The following CD109 variants were observed in gnomAD, a reference collection of about 807,000 sequenced individuals.
CD109 encodes CD109 antigen.
In CD109, 149 loss-of-function variants were observed where a neutral mutation model predicts 165.8. That is an observed-to-expected ratio of 0.90 (90% confidence interval 0.79 to 1.03). The LOEUF is 1.03. Among genes scored for constraint, CD109 ranks in the 50% least tolerant of loss-of-function variants. The pLI is 0.00. For missense variants in CD109, 1,712 were observed against 1,677.8 expected, an observed-to-expected ratio of 1.02 and a Z score of -0.36; for synonymous variants, 585 against 592.1, an observed-to-expected ratio of 0.99 and a Z score of 0.18.
intron 3 of CD109, among the ~76,000 whole-genome samples, chr6:73,725,577 C>T (rs548493840): frequency 2.1e-5 from 3 of 143,598 alleles, no homozygotes; most frequent in South Asian, 2.2e-4. Flanking sequence ...GGCGCGATCT[C>T]GGCTCACTGC....
chr6:73,805,645 A>G (rs1224026446), intron 24 of CD109, among the ~76,000 whole-genome samples: 1 of 152,190 alleles, frequency 6.6e-6, no homozygotes, highest in South Asian at 2.1e-4. Context: ...TCACATGGGG[A>G]GAAACCTTGG....
At chr6:73,754,971 T>G (rs1773333512) in intron 5 of CD109, among the ~76,000 whole-genome samples, 1 of 152,214 alleles carries the variant, frequency 6.6e-6, no homozygotes, top group South Asian at 2.1e-4. Flanking sequence ...ATGTTGTATT[T>G]ACTCAATTAA....
At chr6:73,734,610 C>T (rs567869218) in intron 4 of CD109, among the ~76,000 whole-genome samples, 101 of 152,326 alleles carry the variant, frequency 6.6e-4, no homozygotes, top group African/African-American at 2.3e-3. Context: ...ACCAAGGATA[C>T]AGTGACCTGC....
At position 73,818,567 on chromosome 6, in the gene CD109, A is replaced by G. The variant is rs548288924; in HGVS notation, c.4059+32A>G. ...AGTAAAACATAAGGTAACTGTTGACAAAGCCACTGTGTTTTGTATTCAGGT... is the reference window on the plus strand; with the variant it reads ...AGTAAAACATAAGGTAACTGTTGACGAAGCCACTGTGTTTTGTATTCAGGT... On this transcript the variant is annotated intron_variant, in intron 31 of 32. Transcript: ENST00000287097. 1.6e-5 allele frequency: 25 copies of G among 1,597,716 alleles called. No homozygotes were observed. The Admixed American group carries it at 1.9e-4, about 12-fold the overall frequency.
intron 17 of CD109, among the ~76,000 whole-genome samples, 161 bp from the exon 18 acceptor site, chr6:73,782,453 C>T (rs1050343534): frequency 1.3e-5 from 2 of 152,118 alleles, no homozygotes; most frequent in African/African-American, 4.8e-5. Flanking sequence ...TTCTGAAAAC[C>T]TTCTTCTACC....
At chr6:73,823,039 A>T (rs1776151958) in intron 32 of CD109, among the ~76,000 whole-genome samples, 2 of 152,332 alleles carry the variant, frequency 1.3e-5, no homozygotes, top group South Asian at 4.1e-4. Context: ...AGCCCAGGGT[A>T]AATGCCCCTT....
At chr6:73,797,664 G>A (rs1028786727) in intron 23 of CD109, among the ~76,000 whole-genome samples, 1 of 152,062 alleles carries the variant, frequency 6.6e-6, no homozygotes, top group African/African-American at 2.4e-5. Flanking sequence ...ATTTTGACAC[G>A]AGGTAAATCA....
chr6:73,695,779 C>A, upstream of CD109: 1 of 205,354 alleles, frequency 4.9e-6, no homozygotes, highest in Non-Finnish European at 9.8e-6. Flanking sequence ...CTTTTTTCCA[C>A]TTCACATAGT....
In CD109 at chr6:73,782,713, A is replaced by C; in HGVS notation, c.2063A>C (p.Lys688Thr). The C allele has an allele frequency of 1.2e-6, 2 of 1,614,046 alleles. No homozygotes were observed. Among genetic ancestry groups the C allele is most frequent in the Non-Finnish European group, 1.7e-6 (2 of 1,179,932 alleles). ...TTGGGTAGCAGTCCACATGTCCGAA[A>C]GCATTTTCCAGAGACTTGGATTTGG... ...FSLGSSPHVR[K>T]HFPETWIWLD... The change falls in exon 18 of 33, where the codon AAG becomes ACG. Residue 688 changes from lysine (K) to threonine (T), a missense_variant. Coordinates refer to ENST00000287097, the MANE Select transcript of CD109 (RefSeq NM_133493.5).
Position 73,788,547 on chromosome 6 carries a change from C to T in CD109, c.2636C>T (p.Thr879Ile), listed in dbSNP as rs1375629682. Residue 879 changes from threonine to isoleucine, a missense_variant, in exon 22 of 33, where the codon ACT becomes ATT. By Grantham distance (89) the Thr-to-Ile change is moderately conservative. Transcript: ENST00000287097. ...TDNRLQSTLK[T>I]LSFSFPPNTV... is the part of the protein sequence containing the mutation. Reference sequence around the variant, plus strand: ...AATAGGCTACAGAGTACCCTGAAAACTTTGAGTTTCTCATTTCCTCCTAAT... The same window carrying T: ...AATAGGCTACAGAGTACCCTGAAAATTTTGAGTTTCTCATTTCCTCCTAAT... 6.2e-7 allele frequency: 1 copy of T among 1,613,316 alleles called. No homozygotes were observed. The highest frequency in any genetic ancestry group is 8.5e-7 in the Non-Finnish European group (1 of 1,179,646).
chr6:73,693,162 A>AC (rs1770717866), upstream of CD109, among the ~76,000 whole-genome samples: 1 of 151,202 alleles, frequency 6.6e-6, no homozygotes, highest in African/African-American at 2.4e-5. Context: ...TTAAAAAAAA[A>AC]AGTTTACTTG....
intron 2 of CD109, among the ~76,000 whole-genome samples, chr6:73,714,798 C>T (rs1024579041): frequency 1.3e-5 from 2 of 152,182 alleles, no homozygotes; most frequent in African/African-American, 4.8e-5. Context: ...GAAGAATCCA[C>T]AGGTTTTGGT....
chr6:73,719,880 T>A (rs1170632824), intron 2 of CD109, among the ~76,000 whole-genome samples: 1 of 152,234 alleles, frequency 6.6e-6, no homozygotes, highest in Non-Finnish European at 1.5e-5. Flanking sequence ...ATCCTAGGGC[T>A]TTTCAATTTC....
intron 2 of CD109, among the ~76,000 whole-genome samples, chr6:73,714,189 C>G (rs1771638537): frequency 6.6e-6 from 1 of 152,194 alleles, no homozygotes; most frequent in South Asian, 2.1e-4. Context: ...CCAGATCGCT[C>G]TTTAGGGATG....
intron 24 of CD109, among the ~76,000 whole-genome samples, chr6:73,805,932 A>G (rs1192745367): frequency 6.6e-6 from 1 of 152,256 alleles, no homozygotes; most frequent in African/African-American, 2.4e-5. Flanking sequence ...GGAGTCTCCT[A>G]TGTCTACTTC....
At chr6:73,810,925 A>G (rs1775733172) in intron 27 of CD109, 67 bp from the exon 28 acceptor site, 1 of 1,457,450 alleles carries the variant, frequency 6.9e-7, no homozygotes, top group Non-Finnish European at 9.3e-7. Context: ...ACAAAATACT[A>G]CTAAATTTAC....
intron 29 of CD109, among the ~76,000 whole-genome samples, chr6:73,813,226 C>T (rs961616796): frequency 7.2e-5 from 11 of 152,074 alleles, no homozygotes; most frequent in East Asian, 3.9e-4. Context: ...CAATTTATTT[C>T]GATCTTTACT....
chr6:73,740,044 T>A (rs920222492), intron 5 of CD109, among the ~76,000 whole-genome samples: 11 of 151,520 alleles, frequency 7.3e-5, no homozygotes, highest in South Asian at 2.1e-4. Context: ...AGTTAAAAAA[T>A]TTTTTTTTCC....
chr6:73,708,445 G>A (rs192216175), intron 2 of CD109, among the ~76,000 whole-genome samples: 94 of 152,292 alleles, frequency 6.2e-4, no homozygotes, highest in African/African-American at 1.8e-3. Context: ...TGTGAATAAT[G>A]CCTCAATAAA....
Sources: gnomAD v4.1 joint callset for allele counts (sites outside exome capture counted in the v4.1 genomes callset) on GRCh38, gnomAD v4.1.1 for gene constraint, MANE v1.5 for transcripts, NCBI Gene and HGNC (gene_info 2026-07-23, HGNC 2026-07-21) for gene names.